LRPPRC: variants seen among roughly 807,000 people sequenced by gnomAD.
The protein encoded by LRPPRC is leucine-rich PPR motif-containing protein, mitochondrial.
LRPPRC carries 120 observed loss-of-function variants against 180.3 expected under a neutral mutation model. That is an observed-to-expected ratio of 0.67 (90% CI 0.57 to 0.77). The LOEUF (loss-of-function observed/expected upper bound fraction) is 0.77. LRPPRC is among the 30% of genes least tolerant of loss of function. The pLI is 0.00. For synonymous variants in LRPPRC, 723 were observed against 600.0 expected, an observed-to-expected ratio of 1.21 and a Z score of -3.00; for missense variants, 2,012 against 1,657.2, an observed-to-expected ratio of 1.21 and a Z score of -3.72.
At chr2:43,890,147 G>A in intron 36 of LRPPRC, 1 of 478,082 alleles carries the variant, frequency 2.1e-6, no homozygotes, top group Non-Finnish European at 4.0e-6. Context: ...ATTCACTTAG[G>A]TTATTACATT....
chr2:43,984,206 A>G (rs1021632753), intron 1 of LRPPRC, among the ~76,000 whole-genome samples: 1 of 152,192 alleles, frequency 6.6e-6, no homozygotes, highest in South Asian at 2.1e-4. Flanking sequence ...CCAGGACAAC[A>G]TGTCAAGTTT....
chr2:43,961,755 G>C (rs970268593), intron 12 of LRPPRC, among the ~76,000 whole-genome samples: 7 of 152,194 alleles, frequency 4.6e-5, no homozygotes, highest in African/African-American at 1.4e-4. Flanking sequence ...AAGATTAGGA[G>C]TTTGAGACCA....
chr2:43,976,361 CAAAG>C (rs1265603427), intron 5 of LRPPRC, 132 bp from the exon 6 acceptor site: 7 of 654,046 alleles, frequency 1.1e-5, no homozygotes, highest in South Asian at 5.4e-5. Context: ...TTAGAAACCA[CAAAG>C]AAAGAACTAA....
chr2:43,922,632 G>T (rs1028105113), intron 27 of LRPPRC, among the ~76,000 whole-genome samples: 10 of 152,252 alleles, frequency 6.6e-5, no homozygotes, highest in African/African-American at 2.4e-4. Context: ...GGTGGCGGGC[G>T]CCTGTAGTCC....
At position 43,949,625 on chromosome 2, in the gene LRPPRC, C is replaced by G. The variant is rs765094280; in HGVS notation, c.1712G>C (p.Cys571Ser). ...ACCCGTCGGTCCTCGAGGCTCCTGGCAATAACGTCCATCCTTGTACAACAA... is the reference window on the plus strand; with the variant it reads ...ACCCGTCGGTCCTCGAGGCTCCTGGGAATAACGTCCATCCTTGTACAACAA... ...TELLYKDGRY[C>S]QEPRGPTEAV... is the part of the protein sequence containing the mutation. Residue 571 changes from cysteine (C) to serine (S), a missense_variant, in exon 16 of 38, where the codon TGC (cysteine) becomes TCC (serine). Transcript: ENST00000260665. The G allele has an allele frequency of 2.5e-5, 41 of 1,613,890 alleles. No homozygotes were observed. The Admixed American group carries it at 4.7e-4, about 18-fold the overall frequency.
At chr2:43,959,224 T>C (rs1316641933) in intron 13 of LRPPRC, 3 of 716,118 alleles carry the variant, frequency 4.2e-6, no homozygotes, top group Non-Finnish European at 7.8e-6. Context: ...GGAAAATCTA[T>C]ATAGTATACA....
rs1674354693 is a variant in LRPPRC, at chr2:43,982,428, T to C, written c.156A>G (p.Leu52=). 1.2e-6 allele frequency: 2 copies of C among 1,611,492 alleles called. No individual in the cohort carries two copies. The highest frequency in any genetic ancestry group is 1.3e-5 in the African/African-American group (1 of 74,970). The change falls in exon 2 of 38, where the codon CTA becomes CTG. Residue 52 remains leucine, a synonymous_variant. Coordinates refer to ENST00000260665, the MANE Select transcript of LRPPRC (RefSeq NM_133259.4). ...AARAGPVAGG[L]LSPARLYAIA... ...TGGCATACAGCCTGGCTGGGCTCAG[T>C]AGTCCTCTAAAAAATGAAACATAAT...
At chr2:43,935,391 A>G (rs1004218576) in intron 23 of LRPPRC, among the ~76,000 whole-genome samples, 1 of 152,214 alleles carries the variant, frequency 6.6e-6, no homozygotes. Flanking sequence ...TATTTTCTGT[A>G]CTGTCACCTT....
intron 17 of LRPPRC, 77 bp downstream of exon 17, chr2:43,948,335 T>C: frequency 9.9e-7 from 1 of 1,008,292 alleles, no homozygotes; most frequent in African/African-American, 1.6e-5. Context: ...CTGGTTGTAC[T>C]TAAAAGCAGC....
At chr2:43,901,720 T>A (rs2104993873) in intron 31 of LRPPRC, 196 bp from the exon 32 acceptor site, 1 of 565,348 alleles carries the variant, frequency 1.8e-6, no homozygotes, top group African/African-American at 1.9e-5. Flanking sequence ...ATATAAGATA[T>A]TAGAGGCCCG....
intron 25 of LRPPRC, among the ~76,000 whole-genome samples, chr2:43,931,510 C>T (rs1672086898): frequency 6.6e-6 from 1 of 152,152 alleles, no homozygotes; most frequent in South Asian, 2.1e-4. Flanking sequence ...TGCCTCAGGG[C>T]CCTCACACAG....
At chr2:43,951,140 T>C (rs1049602663) in intron 14 of LRPPRC, among the ~76,000 whole-genome samples, 1 of 152,224 alleles carries the variant, frequency 6.6e-6, no homozygotes, top group Admixed American at 6.5e-5. Flanking sequence ...TCCCAACACC[T>C]GGACCGGGTG....
At chr2:43,901,687 C>T in intron 31 of LRPPRC, 163 bp from the exon 32 acceptor site, 1 of 620,748 alleles carries the variant, frequency 1.6e-6, no homozygotes, top group Non-Finnish European at 2.8e-6. Flanking sequence ...CATGAGATAC[C>T]CCCAAAAATT....
At chr2:43,910,068 A>AC (rs1671203044) in intron 30 of LRPPRC, among the ~76,000 whole-genome samples, 1 of 152,184 alleles carries the variant, frequency 6.6e-6, no homozygotes, top group Non-Finnish European at 1.5e-5. Flanking sequence ...AATAGTCTAT[A>AC]CTATTTCATT....
At position 43,896,629 on chromosome 2, in the gene LRPPRC, A is replaced by C; in HGVS notation, c.3900+5T>G. ...ATTGATTTGTAAGCAGGTAAAGCAC[A>C]GTACCTTTCCTTGTTTCCTAGAATT... On this transcript the variant is annotated splice_donor_5th_base_variant and intron_variant, in intron 35 of 37. Coordinates refer to ENST00000260665, the MANE Select transcript of LRPPRC (RefSeq NM_133259.4). 6.3e-7 allele frequency: 1 copy of C among 1,595,116 alleles called. No individual in the cohort carries two copies. Among genetic ancestry groups the C allele is most frequent in the Non-Finnish European group, 8.6e-7 (1 of 1,162,984 alleles).
chr2:43,985,296 C>G (rs929037791), intron 1 of LRPPRC, among the ~76,000 whole-genome samples: 1 of 152,136 alleles, frequency 6.6e-6, no homozygotes, highest in Non-Finnish European at 1.5e-5. Context: ...TAACATTTTG[C>G]TGTAGTGTAG....
chr2:43,923,885 C>T (rs1026017495), intron 27 of LRPPRC, among the ~76,000 whole-genome samples: 1 of 152,114 alleles, frequency 6.6e-6, no homozygotes, highest in Non-Finnish European at 1.5e-5. Flanking sequence ...TGCTCAAACA[C>T]AGATTATAAT....
chr2:43,947,647 C>A, intron 19 of LRPPRC, 84 bp downstream of exon 19: 1 of 865,154 alleles, frequency 1.2e-6, no homozygotes, highest in South Asian at 1.4e-5. Context: ...TGTGAGGAAT[C>A]ACTGGTTTTA....
chr2:43,992,970 CAGA>C (rs1412368158), intron 1 of LRPPRC, among the ~76,000 whole-genome samples: 2 of 152,072 alleles, frequency 1.3e-5, no homozygotes, highest in Admixed American at 6.5e-5. Context: ...TGAGAAAACA[CAGA>C]AGGACCACGA....
Sources: gnomAD v4.1 joint callset for allele counts (sites outside exome capture counted in the v4.1 genomes callset) on GRCh38, gnomAD v4.1.1 for gene constraint, MANE v1.5 for transcripts, NCBI Gene and HGNC (gene_info 2026-07-23, HGNC 2026-07-21) for gene names.